Variants in GOLGA1 observed in about 807,000 individuals in gnomAD.
GOLGA1 encodes golgin A1, also known as golgin subfamily A member 1.
Under a neutral mutation model 119.7 loss-of-function variants are expected in GOLGA1, and 63 were observed. That is an observed-to-expected ratio of 0.53 (90% CI 0.43 to 0.65). GOLGA1 has a LOEUF of 0.65. Ranked by LOEUF, GOLGA1 falls within the 30% of genes least tolerant of loss-of-function variation. The pLI is 0.00. For synonymous variants in GOLGA1, 318 were observed against 333.4 expected (o/e 0.95, Z 0.50); for missense variants, 798 against 912.8 (o/e 0.87, Z 1.62).
chr9:124,925,098 T>G (rs1002353432), intron 7 of GOLGA1, among the ~76,000 whole-genome samples: 27 of 143,206 alleles, frequency 1.9e-4, no homozygotes, highest in African/African-American at 7.0e-4. Context: ...AAAAGAAAAA[T>G]TTTCCCCAAC....
Position 124,898,572 on chromosome 9 carries a change from G to A in GOLGA1, c.1384C>T (p.Gln462Ter). ...NEYERSLQNH[Q>*]FELKKLKEEW... ...ACCTTCAGCTTCTTTAGTTCAAATT[G>A]GTGATTTTGTAAAGAACGTTCATAT... Residue 462 changes from glutamine to a stop codon, truncating the protein, a stop_gained, in exon 15 of 23, where the codon CAA becomes TAA. Coordinates refer to ENST00000373555, the MANE Select transcript of GOLGA1 (RefSeq NM_002077.4). LOFTEE classifies it high-confidence loss of function. The A allele has an allele frequency of 6.3e-7, 1 of 1,598,318 alleles. No individual in the cohort carries two copies. Among genetic ancestry groups the A allele is most frequent in the South Asian group, 1.1e-5 (1 of 90,216 alleles).
intron 2 of GOLGA1, among the ~76,000 whole-genome samples, chr9:124,939,855 C>T (rs1461575120): frequency 6.6e-6 from 1 of 152,154 alleles, no homozygotes; most frequent in Non-Finnish European, 1.5e-5. Flanking sequence ...AGCCACTGCG[C>T]CCGGCCTCAC....
At chr9:124,894,581 T>G (rs976706402) in intron 15 of GOLGA1, among the ~76,000 whole-genome samples, 3 of 152,172 alleles carry the variant, frequency 2.0e-5, no homozygotes, top group Non-Finnish European at 4.4e-5. Context: ...CTTGTCAGCC[T>G]ACAGACTACT....
intron 15 of GOLGA1, among the ~76,000 whole-genome samples, chr9:124,895,394 A>AC (rs1564326587): frequency 6.8e-6 from 1 of 146,866 alleles, no homozygotes; most frequent in African/African-American, 2.5e-5. Context: ...TCCACAACAG[A>AC]GACTCTCCAC....
At chr9:124,895,931 C>T (rs950515373) in intron 15 of GOLGA1, among the ~76,000 whole-genome samples, 9 of 148,396 alleles carry the variant, frequency 6.1e-5, no homozygotes, top group African/African-American at 2.2e-4. Flanking sequence ...AGAGACCCTC[C>T]ACAACAGAGA....
chr9:124,902,057 C>T (rs561151393), intron 12 of GOLGA1, among the ~76,000 whole-genome samples: 9 of 152,348 alleles, frequency 5.9e-5, no homozygotes, highest in Admixed American at 1.3e-4. Context: ...CTATGAATTT[C>T]TCTTAGAAAG....
At position 124,889,550 on chromosome 9, in the gene GOLGA1, A is replaced by G. The variant is rs756257024; in HGVS notation, c.1498-14T>C. The G allele has an allele frequency of 2.6e-6, 4 of 1,550,722 alleles. No individual in the cohort carries two copies. The South Asian group carries it at 3.3e-5, about 13-fold the overall frequency. On this transcript the variant is annotated splice_polypyrimidine_tract_variant and intron_variant, in intron 16 of 22. Transcript: ENST00000373555. ...CAGGTTAGCTGCCTTGGAGAGAAAA[A>G]TCAACAAGAGGGAAGGTTGTGAGCA...
chr9:124,916,801 A>G (rs983531661), intron 10 of GOLGA1, among the ~76,000 whole-genome samples: 1 of 144,886 alleles, frequency 6.9e-6, no homozygotes, highest in Non-Finnish European at 1.5e-5. Flanking sequence ...ACTTACACCC[A>G]GGAATTTGAG....
chr9:124,892,883 G>C, intron 15 of GOLGA1, among the ~76,000 whole-genome samples: 1 of 143,844 alleles, frequency 7.0e-6, no homozygotes, highest in African/African-American at 2.6e-5. Flanking sequence ...AGTGAGCCGA[G>C]ATCACGCCAT....
chr9:124,929,907 T>C (rs1216321006), intron 4 of GOLGA1, among the ~76,000 whole-genome samples: 1 of 152,206 alleles, frequency 6.6e-6, no homozygotes, highest in African/African-American at 2.4e-5. Context: ...GTAGCTCAAA[T>C]CCCAACTCTG....
chr9:124,901,725 G>A (rs1468860313), intron 12 of GOLGA1, among the ~76,000 whole-genome samples: 3 of 152,080 alleles, frequency 2.0e-5, no homozygotes, highest in South Asian at 2.1e-4. Flanking sequence ...ATGAGCCACC[G>A]CACCTGGTTG....
chr9:124,921,890 A>C lies in GOLGA1; in HGVS notation c.564T>G (p.Leu188=). ...TCCCTAGACTTTCTTCTTTTTTTAA[A>C]AGCTGACACAAAAATACAAAGTTTC... ...QQELSKIKHM[L]LKKEESLGKM... The change falls in exon 9 of 23, where the codon CTT becomes CTG. Residue 188 remains leucine, a splice_region_variant and synonymous_variant. Transcript: ENST00000373555. 1 of 1,611,246 alleles carries C rather than the reference A, an allele frequency of 6.2e-7. No homozygotes were observed. The highest frequency in any genetic ancestry group is 8.5e-7 in the Non-Finnish European group (1 of 1,178,568).
intron 1 of GOLGA1, among the ~76,000 whole-genome samples, chr9:124,940,373 T>C (rs1037674170): frequency 3.9e-5 from 6 of 152,198 alleles, no homozygotes; most frequent in Non-Finnish European, 8.8e-5. Flanking sequence ...TACAAGCGCA[T>C]AGAACAGAAT....
chr9:124,936,914 T>C (rs1224250800), intron 3 of GOLGA1, among the ~76,000 whole-genome samples: 1 of 152,224 alleles, frequency 6.6e-6, no homozygotes. Flanking sequence ...ATAAATTGTT[T>C]ATGAATACAT....
intron 1 of GOLGA1, 110 bp from the exon 2 acceptor site, chr9:124,940,265 G>A (rs1393973328): frequency 6.6e-6 from 1 of 152,104 alleles, no homozygotes; most frequent in Admixed American, 6.6e-5. Context: ...GGCAGAAGAA[G>A]GATTAAAGGG....
intron 15 of GOLGA1, among the ~76,000 whole-genome samples, chr9:124,895,597 C>G (rs1829961076): frequency 6.6e-6 from 1 of 150,680 alleles, no homozygotes; most frequent in Non-Finnish European, 1.5e-5. Context: ...GACAGAGACC[C>G]TCCACGACAG....
chr9:124,903,826 G>A (rs998950008), intron 12 of GOLGA1, among the ~76,000 whole-genome samples: 5 of 151,972 alleles, frequency 3.3e-5, no homozygotes, highest in African/African-American at 7.2e-5. Flanking sequence ...CGAGGTGGGC[G>A]GGTCACAAGG....
chr9:124,925,118 A>G (rs1830649398), intron 7 of GOLGA1, among the ~76,000 whole-genome samples: 1 of 151,998 alleles, frequency 6.6e-6, no homozygotes, highest in South Asian at 2.1e-4. Flanking sequence ...CCTCTCCTTC[A>G]AAAGAACAAA....
At chr9:124,947,649 T>C (rs929091783) in intron 1 of GOLGA1, 3 of 152,166 alleles carry the variant, frequency 2.0e-5, no homozygotes, top group Non-Finnish European at 4.4e-5. Context: ...TGTATACATA[T>C]ATACAAAAAG....
Sources: allele counts gnomAD v4.1 joint callset (sites outside exome capture counted in the v4.1 genomes callset), GRCh38; gene constraint gnomAD v4.1.1; transcripts MANE v1.5; gene names NCBI Gene and HGNC (gene_info 2026-07-23, HGNC 2026-07-21).